Variants in EPHB1 observed in about 807,000 individuals in gnomAD.
EPHB1 encodes EPH receptor B1.
In EPHB1, 30 loss-of-function variants were observed where a neutral mutation model predicts 94.4. The ratio of observed to expected loss-of-function variants is 0.32; its 90% CI spans 0.24 to 0.43. The LOEUF is 0.43. EPHB1 is among the 20% of genes least tolerant of loss of function. The pLI, the probability that EPHB1 is intolerant of heterozygous loss-of-function variation, is 1.00. For missense variants in EPHB1, 1,055 were observed against 1,308.3 expected, an observed-to-expected ratio of 0.81 and a Z score of 2.99; for synonymous variants, 522 against 489.1, an observed-to-expected ratio of 1.07 and a Z score of -0.89.
chr3:135,233,927 C>A (rs1576488176), intron 12 of EPHB1, among the ~76,000 whole-genome samples: 2 of 152,226 alleles, frequency 1.3e-5, no homozygotes, highest in South Asian at 4.1e-4. Flanking sequence ...TTCTGCAGTT[C>A]CAAGGCTCCA....
chr3:135,000,380 C>CT (rs1383639040), intron 3 of EPHB1, among the ~76,000 whole-genome samples: 2 of 152,082 alleles, frequency 1.3e-5, no homozygotes, highest in African/African-American at 4.8e-5. Context: ...ACAGAAAGAC[C>CT]TTTAAGAGGG....
At chr3:134,957,738 G>A (rs1003295158) in intron 3 of EPHB1, among the ~76,000 whole-genome samples, 3 of 152,168 alleles carry the variant, frequency 2.0e-5, no homozygotes, top group African/African-American at 4.8e-5. Flanking sequence ...AATGCCAGGG[G>A]TACCACTACT....
chr3:135,108,920 C>T (rs892236362), intron 4 of EPHB1, among the ~76,000 whole-genome samples: 2 of 152,156 alleles, frequency 1.3e-5, no homozygotes, highest in African/African-American at 4.8e-5. Context: ...ACTACCAGGA[C>T]AGTGGGAATC....
intron 3 of EPHB1, among the ~76,000 whole-genome samples, chr3:135,075,463 G>T (rs577594711): frequency 6.6e-6 from 1 of 152,128 alleles, no homozygotes; most frequent in Admixed American, 6.5e-5. Context: ...TGCAACCCAA[G>T]CACCCAGGTA....
chr3:134,981,527 TG>T (rs1332827923), intron 3 of EPHB1, among the ~76,000 whole-genome samples: 1 of 152,158 alleles, frequency 6.6e-6, no homozygotes, highest in Non-Finnish European at 1.5e-5. Flanking sequence ...CACCTCAAAA[TG>T]GCCAGGAAGT....
chr3:135,070,962 T>C lies in EPHB1; in HGVS notation c.806-35486T>C, dbSNP rs558781506. On this transcript the variant is annotated intron_variant, in intron 3 of 15. Transcript: ENST00000398015. Reference sequence around the variant, plus strand: ...GATGTGCATGGTCAAGTGTTCATTATACTACAGCGTCACTCTGGCCAGGGA... The same window carrying C: ...GATGTGCATGGTCAAGTGTTCATTACACTACAGCGTCACTCTGGCCAGGGA... 3.9e-5 allele frequency among the ~76,000 whole-genome samples: 6 copies of C among 152,328 alleles called. No individual in the cohort carries two copies. In the South Asian group the frequency reaches 6.2e-4, roughly 16 times the overall value.
intron 2 of EPHB1, among the ~76,000 whole-genome samples, chr3:134,929,562 G>T (rs144642843): frequency 2.6e-5 from 4 of 152,228 alleles, no homozygotes; most frequent in African/African-American, 9.6e-5. Context: ...GGGGCCAGGG[G>T]CTGAGGATGC....
At chr3:135,240,622 C>T (rs1399040307) in intron 12 of EPHB1, among the ~76,000 whole-genome samples, 1 of 152,112 alleles carries the variant, frequency 6.6e-6, no homozygotes, top group Non-Finnish European at 1.5e-5. Flanking sequence ...AAACCTGCCC[C>T]CCAGAGGTGG....
chr3:134,892,509 T>G (rs1332212251), intron 1 of EPHB1, among the ~76,000 whole-genome samples: 1 of 152,190 alleles, frequency 6.6e-6, no homozygotes, highest in Admixed American at 6.5e-5. Flanking sequence ...ACTATGAACA[T>G]TTGCACAGGA....
chr3:135,072,599 G>C (rs1937762600), intron 3 of EPHB1, among the ~76,000 whole-genome samples: 1 of 152,126 alleles, frequency 6.6e-6, no homozygotes, highest in Admixed American at 6.6e-5. Context: ...ACTCCTGCCT[G>C]GGGGCCTTTG....
intron 3 of EPHB1, among the ~76,000 whole-genome samples, chr3:135,018,458 C>T (rs1285796358): frequency 6.6e-6 from 1 of 152,084 alleles, no homozygotes; most frequent in Non-Finnish European, 1.5e-5. Flanking sequence ...CTTCGAAGAC[C>T]AGCTCAGATG....
intron 1 of EPHB1, among the ~76,000 whole-genome samples, chr3:134,890,782 C>T (rs2037963905): frequency 6.6e-6 from 1 of 152,060 alleles, no homozygotes; most frequent in African/African-American, 2.4e-5. Flanking sequence ...TGGACCTTAT[C>T]TTTTTTCTTC....
chr3:135,228,774 G>A (rs74839467), intron 12 of EPHB1, among the ~76,000 whole-genome samples: 2 of 150,134 alleles, frequency 1.3e-5, no homozygotes, highest in African/African-American at 2.5e-5. Flanking sequence ...GGCTGACAGG[G>A]ACTCCATGCT....
chr3:135,245,507 A>C (rs1943895636), intron 13 of EPHB1, among the ~76,000 whole-genome samples: 1 of 71,532 alleles, frequency 1.4e-5, no homozygotes, highest in African/African-American at 4.3e-5. Context: ...ATACCAGAAC[A>C]GTCTTCAAAA....
intron 3 of EPHB1, among the ~76,000 whole-genome samples, chr3:135,088,076 G>A (rs1309420405): frequency 6.6e-6 from 1 of 152,048 alleles, no homozygotes; most frequent in Non-Finnish European, 1.5e-5. Flanking sequence ...AGGAAAAGTA[G>A]GACAAGATGC....
chr3:134,835,629 C>A (rs1395736353), intron 1 of EPHB1, among the ~76,000 whole-genome samples: 2 of 152,178 alleles, frequency 1.3e-5, no homozygotes, highest in Non-Finnish European at 2.9e-5. Context: ...CAGTCTGGCT[C>A]CAAAGCCTAT....
chr3:135,124,027 G>A (rs752576916), intron 4 of EPHB1, among the ~76,000 whole-genome samples: 3 of 151,652 alleles, frequency 2.0e-5, no homozygotes, highest in Non-Finnish European at 4.4e-5. Flanking sequence ...CTGGCAGGCT[G>A]AAACCAGGAC....
At chr3:135,025,099 T>TTCCC (rs546186986) in intron 3 of EPHB1, among the ~76,000 whole-genome samples, 2 of 137,120 alleles carry the variant, frequency 1.5e-5, no homozygotes, top group East Asian at 2.0e-4. Flanking sequence ...CCTTCCTTCC[T>TTCCC]TCCCTCCCTC....
chr3:134,924,646 C>T (rs2038754529), intron 1 of EPHB1, among the ~76,000 whole-genome samples: 1 of 152,090 alleles, frequency 6.6e-6, no homozygotes, highest in South Asian at 2.1e-4. Context: ...CAATAATAGC[C>T]CCAAACTGGA....
Sources: allele counts gnomAD v4.1 joint callset (sites outside exome capture counted in the v4.1 genomes callset), GRCh38; gene constraint gnomAD v4.1.1; transcripts MANE v1.5; gene names NCBI Gene and HGNC (gene_info 2026-07-23, HGNC 2026-07-21).